BANK1: variants seen among roughly 807,000 people sequenced by gnomAD.
BANK1 encodes the protein B-cell scaffold protein with ankyrin repeats.
A neutral mutation model predicts 94.5 loss-of-function variants in BANK1; 95 were observed. The observed-to-expected ratio is 1.00, with a 90% CI of 0.85 to 1.19. The LOEUF is 1.19. Ranked by LOEUF, BANK1 falls within the 50% of genes most tolerant of loss-of-function variation. The probability of loss-of-function intolerance (pLI) is 0.00; values close to 1 mark genes in which losing one functional copy is unlikely to be tolerated. For synonymous variants in BANK1, 334 were observed against 308.4 expected (o/e 1.08, Z -0.87); for missense variants, 987 against 932.2 (o/e 1.06, Z -0.77).
intron 1 of BANK1, among the ~76,000 whole-genome samples, chr4:101,804,165 A>T (rs1167929855): frequency 3.1e-5 from 4 of 129,980 alleles, no homozygotes; most frequent in African/African-American, 5.4e-5. Context: ...TAGTCACAAA[A>T]ATACAGACCA....
intron 7 of BANK1, among the ~76,000 whole-genome samples, chr4:102,017,648 T>C (rs532547768): frequency 1.3e-5 from 2 of 152,334 alleles, no homozygotes; most frequent in East Asian, 3.9e-4. Context: ...GGTCACAATA[T>C]GCCTACTGCT....
chr4:102,046,615 A>G lies in BANK1; in HGVS notation c.1969+2708A>G, dbSNP rs114043848. Among the ~76,000 whole-genome samples, 1,211 of 152,272 alleles carry G rather than the reference A, an allele frequency of 8.0e-3. 18 individuals are homozygous for G. The highest frequency in any genetic ancestry group is 0.028 in the African/African-American group (1,151 of 41,568). On this transcript the variant is annotated intron_variant, in intron 11 of 16. Coordinates refer to ENST00000322953, the MANE Select transcript of BANK1 (RefSeq NM_017935.5). ...TTTCTATGGTTTGCACTAAATGCCA[A>G]TCAAAGACTGCATCCTTTTTAACTG...
chr4:101,987,538 T>A (rs1183239099), intron 7 of BANK1, among the ~76,000 whole-genome samples: 3 of 152,192 alleles, frequency 2.0e-5, no homozygotes, highest in Admixed American at 1.3e-4. Flanking sequence ...TCCATACCAA[T>A]TACCAATTAA....
intron 6 of BANK1, among the ~76,000 whole-genome samples, chr4:101,912,120 C>T (rs1258297527): frequency 6.6e-6 from 1 of 151,978 alleles, no homozygotes; most frequent in Non-Finnish European, 1.5e-5. Flanking sequence ...TAAGTTATGA[C>T]TTAGGAAACT....
chr4:101,801,964 A>T (rs1725368464), intron 1 of BANK1, among the ~76,000 whole-genome samples: 1 of 152,210 alleles, frequency 6.6e-6, no homozygotes, highest in Non-Finnish European at 1.5e-5. Flanking sequence ...CTTGAAGTCC[A>T]GCCACCTGCC....
At chr4:101,846,037 C>A (rs1460766845) in intron 2 of BANK1, among the ~76,000 whole-genome samples, 1 of 152,046 alleles carries the variant, frequency 6.6e-6, no homozygotes, top group East Asian at 1.9e-4. Flanking sequence ...CACAACAGGC[C>A]CCAGTGTATG....
Position 101,881,931 on chromosome 4 carries a change from G to A in BANK1, c.903+11287G>A, listed in dbSNP as rs1728691442. The stretch of plus-strand genomic sequence containing the variant: ...GTTACCAGAGGCTGGAATGATTAGT[G>A]GGGGTTTGGGTGGGGGAGGTGGGGA... On this transcript the variant is annotated intron_variant, in intron 5 of 16. Coordinates refer to ENST00000322953, the MANE Select transcript of BANK1 (RefSeq NM_017935.5). Among the ~76,000 whole-genome samples, 3 of 151,960 alleles carry A rather than the reference G, an allele frequency of 2.0e-5. No individual in the cohort carries two copies. In the South Asian group the frequency reaches 6.2e-4, roughly 32 times the overall value.
In BANK1 at chr4:101,947,785, T is replaced by C. The variant is rs191722173; in HGVS notation, c.1206+29596T>C. 9.1e-4 allele frequency among the ~76,000 whole-genome samples: 139 copies of C among 152,158 alleles called. 2 individuals are homozygous for C. Among genetic ancestry groups the C allele is most frequent in the Admixed American group, 8.6e-3 (131 of 15,258 alleles). On this transcript the variant is annotated intron_variant, in intron 7 of 16. Coordinates refer to ENST00000322953, the MANE Select transcript of BANK1 (RefSeq NM_017935.5). ...CCTACCAACTGAAATTGTAAGAATT[T>C]CAAGTTTAGTCATGTTCACTTATCA...
At chr4:101,921,621 A>T (rs574768699) in intron 7 of BANK1, among the ~76,000 whole-genome samples, 45 of 152,036 alleles carry the variant, frequency 3.0e-4, no homozygotes, top group Admixed American at 5.2e-4. Context: ...TAACAAAATG[A>T]TTACATCAAT....
intron 11 of BANK1, among the ~76,000 whole-genome samples, chr4:102,053,831 T>C (rs1728133609): frequency 1.3e-5 from 2 of 151,718 alleles, no homozygotes; most frequent in Admixed American, 6.6e-5. Flanking sequence ...CCAAATAATA[T>C]AAAAATACTT....
At chr4:101,887,168 A>G (rs954811377) in intron 5 of BANK1, among the ~76,000 whole-genome samples, 3 of 152,194 alleles carry the variant, frequency 2.0e-5, no homozygotes, top group African/African-American at 4.8e-5. Flanking sequence ...ACCTTCTTGT[A>G]CCATGAAGAT....
rs750817382 is a variant in BANK1, at chr4:102,021,585, T to C, written c.1278T>C (p.Tyr426=). 2 of 1,383,468 alleles carry C rather than the reference T, an allele frequency of 1.4e-6. No homozygotes were observed. Among genetic ancestry groups the C allele is most frequent in the African/African-American group, 1.5e-5 (1 of 66,892 alleles). 85.7% of individuals were successfully genotyped at this position (1,383,468 alleles called of 1,614,324 possible). The part of the protein sequence containing the change: ...YEEDIASFST[Y]IPSTQNPAFH... The stretch of plus-strand genomic sequence containing the variant: ...AGGATATTGCCTCATTTTCCACATA[T>C]ATTCCTTGTAAGTTTTTCCATGTTA... Residue 426 remains tyrosine, a synonymous_variant, in exon 8 of 17, where the codon TAT becomes TAC. Transcript: ENST00000322953.
intron 10 of BANK1, among the ~76,000 whole-genome samples, chr4:102,041,120 C>G (rs973258752): frequency 4.6e-5 from 7 of 152,058 alleles, no homozygotes; most frequent in African/African-American, 1.4e-4. Flanking sequence ...ACCCTACACT[C>G]AGTTCTCACC....
At chr4:101,862,957 A>G (rs1727935408) in intron 4 of BANK1, among the ~76,000 whole-genome samples, 1 of 152,060 alleles carries the variant, frequency 6.6e-6, no homozygotes, top group Admixed American at 6.5e-5. Flanking sequence ...ACCACTAAAC[A>G]TATGACTAAA....
intron 6 of BANK1, among the ~76,000 whole-genome samples, chr4:101,905,490 T>A (rs887832131): frequency 5.3e-5 from 8 of 152,178 alleles, no homozygotes; most frequent in African/African-American, 1.7e-4. Context: ...TAGCCCAATG[T>A]TTTCCTTTTT....
intron 4 of BANK1, among the ~76,000 whole-genome samples, chr4:101,866,932 G>A (rs370041169): frequency 1.6e-5 from 1 of 63,436 alleles, no homozygotes; most frequent in Non-Finnish European, 2.8e-5. Context: ...ACCAAACGCC[G>A]CATATTCTCA....
At chr4:102,057,310 GT>G (rs1315895458) in intron 11 of BANK1, among the ~76,000 whole-genome samples, 2 of 133,808 alleles carry the variant, frequency 1.5e-5, no homozygotes, top group Admixed American at 7.4e-5. Context: ...CTCTCTCCCT[GT>G]TTCTCTATTT....
chr4:101,896,850 T>C (rs1722098060), intron 6 of BANK1, among the ~76,000 whole-genome samples: 2 of 151,940 alleles, frequency 1.3e-5, no homozygotes, highest in Admixed American at 6.6e-5. Flanking sequence ...TAAATAATTA[T>C]AGTTGCCAAA....
chr4:101,906,178 GAGT>G lies in BANK1; in HGVS notation c.1009+10769_1009+10771del, dbSNP rs572564025. ...GCAGGAGTAAGACAAGCTCGTGTAAGAGTGTCCCAGTCAGTAGGAATCATCCAA... is the reference window on the plus strand; with the variant it reads ...GCAGGAGTAAGACAAGCTCGTGTAAGGTCCCAGTCAGTAGGAATCATCCAA... On this transcript the variant is annotated intron_variant, in intron 6 of 16. Transcript: ENST00000322953. Among the ~76,000 whole-genome samples, 25 of 152,320 alleles carry G rather than the reference GAGT, an allele frequency of 1.6e-4. 1 individual carries two copies. In the South Asian group the frequency reaches 5.2e-3, roughly 32 times the overall value.
Sources: gnomAD v4.1 joint callset for allele counts (sites outside exome capture counted in the v4.1 genomes callset) on GRCh38, gnomAD v4.1.1 for gene constraint, MANE v1.5 for transcripts, NCBI Gene and HGNC (gene_info 2026-07-23, HGNC 2026-07-21) for gene names.